Variants in PIK3R3 observed in about 807,000 individuals in gnomAD.
The protein encoded by PIK3R3 is phosphatidylinositol 3-kinase regulatory subunit gamma.
Under a neutral mutation model 62.9 loss-of-function variants are expected in PIK3R3, and 64 were observed. The observed-to-expected ratio is 1.02, with a 90% CI of 0.83 to 1.25. PIK3R3 has a LOEUF of 1.25. PIK3R3 is among the 50% of genes most tolerant of loss of function. The pLI is 0.00. For synonymous variants in PIK3R3, 165 were observed against 189.0 expected (o/e 0.87, Z 1.04); for missense variants, 614 against 561.6 (o/e 1.09, Z -0.94).
In PIK3R3 at chr1:46,094,087, G is replaced by A. The variant is rs768843214; in HGVS notation, c.107-13337C>T. Reference sequence around the variant, plus strand: ...CTGTCTCAAAAAAAAAAAAAGTGTCGAAGATGAACGATGTTATCAAAGACA... The same window carrying A: ...CTGTCTCAAAAAAAAAAAAAGTGTCAAAGATGAACGATGTTATCAAAGACA... On this transcript the variant is annotated intron_variant, in intron 1 of 9. Transcript: ENST00000262741. Among the ~76,000 whole-genome samples the A allele has an allele frequency of 5.3e-5, 8 of 149,776 alleles. No homozygotes were observed. In the South Asian group the frequency reaches 6.3e-4, roughly 12 times the overall value.
At chr1:46,106,605 T>C (rs1653231852) in intron 1 of PIK3R3, among the ~76,000 whole-genome samples, 1 of 152,180 alleles carries the variant, frequency 6.6e-6, no homozygotes, top group Non-Finnish European at 1.5e-5. Context: ...ATACATTATA[T>C]TTACACTTTA....
At chr1:46,148,796 A>G in the PIK3R3 span, among the ~76,000 whole-genome samples, 1 of 151,784 alleles carries the variant, frequency 6.6e-6, no homozygotes, top group Non-Finnish European at 1.5e-5. Flanking sequence ...GAGAATGAAT[A>G]TATAAATGAA....
chr1:46,127,060 C>A (rs1244698717), intron 1 of PIK3R3, among the ~76,000 whole-genome samples: 1 of 151,550 alleles, frequency 6.6e-6, no homozygotes, highest in Non-Finnish European at 1.5e-5. Flanking sequence ...TTAGGCTGGG[C>A]ACGGTGGCTC....
chr1:46,074,600 TGCCTAGAGGAAG>T (rs1386739147), intron 3 of PIK3R3, among the ~76,000 whole-genome samples: 64 of 149,878 alleles, frequency 4.3e-4, no homozygotes, highest in African/African-American at 1.6e-3. Context: ...GCTTAGCAGC[TGCCTAGAGGAAG>T]GCCATTATGG....
the PIK3R3 span, among the ~76,000 whole-genome samples, chr1:46,146,108 A>G: frequency 1.7e-4 from 26 of 152,260 alleles, no homozygotes; most frequent in Non-Finnish European, 1.3e-4. Context: ...ATACAAATGT[A>G]TTATTTATTT....
chr1:46,042,091 A>ACT lies in PIK3R3; in HGVS notation c.*1580_*1581dup, dbSNP rs1557542029. ...AGCTTTGGGTTCAAACAGCTGACTCACTCTGAGCCTATTATGGTCCCAGGA... is the reference window on the plus strand; with the variant it reads ...AGCTTTGGGTTCAAACAGCTGACTCACTCTCTGAGCCTATTATGGTCCCAGGA... On this transcript the variant is annotated 3_prime_UTR_variant, in exon 10 of 10. Transcript: ENST00000262741. This position sits in a 1 kb window ranked among gnomAD's most constrained non-coding sequence, Gnocchi z 4.3. 4.5e-6 allele frequency: 1 copy of ACT among 221,660 alleles called. No homozygotes were observed. The highest frequency in any genetic ancestry group is 9.0e-6 in the Non-Finnish European group (1 of 110,854). The allele number at this position is 221,660 out of a possible 1,614,324, so 13.7% of individuals were successfully genotyped here.
At chr1:46,070,920 T>C (rs777031488) in intron 3 of PIK3R3, among the ~76,000 whole-genome samples, 8 of 152,194 alleles carry the variant, frequency 5.3e-5, no homozygotes, top group Non-Finnish European at 8.8e-5. Context: ...AGTATCCAGA[T>C]TTTCTACAAC....
At chr1:46,150,432 A>G in the PIK3R3 span, among the ~76,000 whole-genome samples, 1 of 152,226 alleles carries the variant, frequency 6.6e-6, no homozygotes, top group Non-Finnish European at 1.5e-5. Context: ...AATGTAGTTA[A>G]TCAGTAGGTC....
chr1:46,057,764 G>A (rs920225180), intron 6 of PIK3R3, among the ~76,000 whole-genome samples: 4 of 152,208 alleles, frequency 2.6e-5, no homozygotes, highest in Non-Finnish European at 5.9e-5. Context: ...AAGAGGTGAC[G>A]TGGGTGCTCT....
chr1:46,136,455 C>T (rs1655935364), upstream of PIK3R3, among the ~76,000 whole-genome samples: 1 of 152,082 alleles, frequency 6.6e-6, no homozygotes, highest in South Asian at 2.1e-4. Flanking sequence ...CGTGATTTTC[C>T]ATTTTTTCCA....
At chr1:46,061,833 C>T (rs1648518566) in intron 6 of PIK3R3, 96 bp downstream of exon 6, 5 of 1,111,782 alleles carry the variant, frequency 4.5e-6, no homozygotes, top group Middle Eastern at 2.0e-4. Flanking sequence ...TAGGGCTGTG[C>T]AGTTTGAGGG....
intron 7 of PIK3R3, 186 bp from the exon 8 acceptor site, chr1:46,046,811 C>T: frequency 3.5e-6 from 2 of 563,474 alleles, no homozygotes; most frequent in Admixed American, 3.3e-5. Flanking sequence ...TCAAGATGAA[C>T]TGATCTTTTC....
chr1:46,071,761 C>CGA (rs1474763937), intron 3 of PIK3R3, among the ~76,000 whole-genome samples: 4 of 112,618 alleles, frequency 3.6e-5, no homozygotes, highest in African/African-American at 1.4e-4. Context: ...AGAGAGAGAG[C>CGA]GCGCGCCTGA....
At chr1:46,071,372 A>G (rs905144019) in intron 3 of PIK3R3, among the ~76,000 whole-genome samples, 5 of 152,060 alleles carry the variant, frequency 3.3e-5, no homozygotes, top group African/African-American at 1.2e-4. Context: ...TATCCTAGAT[A>G]CATTTTTACC....
At chr1:46,132,668 G>C (rs971972084), upstream of PIK3R3, 49 of 1,289,786 alleles carry the variant, frequency 3.8e-5, no homozygotes, top group Non-Finnish European at 4.9e-5. Flanking sequence ...ACGGCGCGGA[G>C]GGGACACCCT....
chr1:46,102,155 T>G (rs1200873573), intron 1 of PIK3R3, among the ~76,000 whole-genome samples: 1 of 151,896 alleles, frequency 6.6e-6, no homozygotes, highest in Non-Finnish European at 1.5e-5. Flanking sequence ...CCGGCTAATT[T>G]TTTGTATTTT....
chr1:46,144,118 A>T, the PIK3R3 span, among the ~76,000 whole-genome samples: 1 of 152,202 alleles, frequency 6.6e-6, no homozygotes, highest in Non-Finnish European at 1.5e-5. Flanking sequence ...TGGAAATAGT[A>T]CCCAAAACAA....
At chr1:46,078,610 A>G (rs2149411500) in intron 2 of PIK3R3, among the ~76,000 whole-genome samples, 1 of 152,326 alleles carries the variant, frequency 6.6e-6, no homozygotes, top group African/African-American at 2.4e-5. Context: ...ATTACCTACC[A>G]TATGACCTGG....
the PIK3R3 span, among the ~76,000 whole-genome samples, chr1:46,164,225 C>G: frequency 6.6e-6 from 1 of 152,168 alleles, no homozygotes; most frequent in African/African-American, 2.4e-5. Context: ...ATTCTTCCTG[C>G]TCCCTGTCTC....
Sources: allele counts gnomAD v4.1 joint callset (sites outside exome capture counted in the v4.1 genomes callset), GRCh38; gene constraint gnomAD v4.1.1; non-coding constraint Gnocchi (gnomAD v3.1); transcripts MANE v1.5; gene names NCBI Gene and HGNC (gene_info 2026-07-23, HGNC 2026-07-21).